Variants in SZT2 observed in about 807,000 individuals in gnomAD.
SZT2 encodes the protein SZT2 subunit of KICSTOR complex.
SZT2 carries 216 observed loss-of-function variants against 404.2 expected under a neutral mutation model. That is an observed-to-expected ratio of 0.53 (90% CI 0.48 to 0.60). The LOEUF (loss-of-function observed/expected upper bound fraction) is 0.60. Ranked by LOEUF, SZT2 falls within the 20% of genes least tolerant of loss-of-function variation. The pLI, the probability that SZT2 is intolerant of heterozygous loss-of-function variation, is 0.00. For synonymous variants in SZT2, 1,693 were observed against 1,749.9 expected (o/e 0.97, Z 0.81); for missense variants, 3,857 against 4,459.2 (o/e 0.86, Z 3.85).
Position 43,450,079 on chromosome 1 carries a change from T to C in SZT2, c.10087-24T>C, listed in dbSNP as rs574763368. On this transcript the variant is annotated intron_variant, in intron 70 of 71. Transcript: ENST00000634258. This position sits in a 1 kb window ranked among gnomAD's most constrained non-coding sequence, Gnocchi z 4.3. ...TGTGGGAGGGTCTGTAGGGTCTGTG[T>C]CCCCTCCTCATCTTTCACTGCAGGT... 6 of 1,613,934 alleles carry C rather than the reference T, an allele frequency of 3.7e-6. No homozygotes were observed. In the South Asian group the frequency reaches 6.6e-5, roughly 18 times the overall value.
Position 43,404,491 on chromosome 1 carries a change from C to A in SZT2, c.439C>A (p.Pro147Thr). Reference sequence around the variant, plus strand: ...GCCTGGATCTTGCATCGACTTCCAGCCTGAGATCTATGTAACTATCCAGGC... The same window carrying A: ...GCCTGGATCTTGCATCGACTTCCAGACTGAGATCTATGTAACTATCCAGGC... ...RVPGSCIDFQ[P>T]EIYVTIQAYS... Residue 147 changes from proline (P) to threonine (T), a missense_variant, in exon 4 of 72, where the codon CCT becomes ACT. Physicochemically the swap from Pro to Thr is conservative, Grantham distance 38. Transcript: ENST00000634258. 1 of 1,614,064 alleles carries A rather than the reference C, an allele frequency of 6.2e-7. No homozygotes were observed. Among genetic ancestry groups the A allele is most frequent in the Non-Finnish European group, 8.5e-7 (1 of 1,180,032 alleles).
rs1300743804 is a variant in SZT2, at chr1:43,420,327, A to G, written c.1261+4A>G. 2.5e-6 allele frequency: 4 copies of G among 1,578,466 alleles called. No homozygotes were observed. Among genetic ancestry groups the G allele is most frequent in the South Asian group, 2.3e-5 (2 of 88,848 alleles). On this transcript the variant is annotated splice_donor_region_variant and intron_variant, in intron 9 of 71. Coordinates refer to ENST00000634258, the MANE Select transcript of SZT2 (RefSeq NM_001365999.1). This position sits in a 1 kb window ranked among gnomAD's most constrained non-coding sequence, Gnocchi z 5.1. ...CGAGAGGTCACACTGGCCAAAGGTA[A>G]GGGTCATTAGGCCCTGCTGTAATCC...
intron 51 of SZT2, 40 bp from the exon 52 acceptor site, chr1:43,440,410 TTGA>T (rs780415281): frequency 6.5e-7 from 1 of 1,528,970 alleles, no homozygotes; most frequent in Non-Finnish European, 8.8e-7. Context: ...AGAATGGGGA[TTGA>T]TGATCAGTGA....
chr1:43,441,687 T>TTGTG lies in SZT2; in HGVS notation c.7612_7615dup (p.Ala2539ValfsTer23). ...CACAGTGACTCCTCTGCCTCCTAGG[T>TTGTG]TGTGCCTCAGTGTCCAGAAGCTCTG... On this transcript the variant is annotated frameshift_variant and splice_region_variant, in exon 55 of 72. Coordinates refer to ENST00000634258, the MANE Select transcript of SZT2 (RefSeq NM_001365999.1). LOFTEE classifies it high-confidence loss of function. The surrounding 1 kb of genome is among the most constrained non-coding windows in gnomAD (Gnocchi z 4.8). 6.2e-7 allele frequency: 1 copy of TTGTG among 1,614,144 alleles called. No homozygotes were observed. The highest frequency in any genetic ancestry group is 8.5e-7 in the Non-Finnish European group (1 of 1,180,020).
In SZT2 at chr1:43,432,984, C is replaced by T. The variant is rs778926568; in HGVS notation, c.5603-5C>T. ...TGGGATTGACCTTCAATGCATCTGA[C>T]ACAGGTTATGATGGTGGCAGCAGTG... On this transcript the variant is annotated splice_polypyrimidine_tract_variant and splice_region_variant and intron_variant, in intron 39 of 71. Transcript: ENST00000634258. 1.9e-6 allele frequency: 3 copies of T among 1,613,948 alleles called. No individual in the cohort carries two copies. In the South Asian group the frequency reaches 3.3e-5, roughly 18 times the overall value.
At chr1:43,422,395 C>T (rs1570628751) in intron 12 of SZT2, 85 bp from the exon 13 acceptor site, 2 of 1,504,358 alleles carry the variant, frequency 1.3e-6, no homozygotes, top group Non-Finnish European at 8.9e-7. Flanking sequence ...TCAGGCAAGG[C>T]CTAGAAGAGA....
chr1:43,443,000 C>T lies in SZT2; in HGVS notation c.8333C>T (p.Ser2778Phe), dbSNP rs1276523236. The T allele has an allele frequency of 6.2e-7, 1 of 1,614,144 alleles. No individual in the cohort carries two copies. The highest frequency in any genetic ancestry group is 8.5e-7 in the Non-Finnish European group (1 of 1,180,012). Residue 2778 changes from serine (S) to phenylalanine (F), a missense_variant, in exon 59 of 72, where the codon TCC (serine) becomes TTC (phenylalanine). Ser to Phe is a radical substitution (Grantham distance 155). Coordinates refer to ENST00000634258, the MANE Select transcript of SZT2 (RefSeq NM_001365999.1). The surrounding 1 kb of genome is among the most constrained non-coding windows in gnomAD (Gnocchi z 4.5). ...LRDITAARPS[S>F]VLGPVPRPPD... is the part of the protein sequence containing the mutation. ...GATATCACGGCTGCCCGCCCCAGCT[C>T]CGTACTTGGTCCTGTGCCCAGACCT... is the stretch of plus-strand genomic sequence containing the variant.
intron 11 of SZT2, among the ~76,000 whole-genome samples, chr1:43,421,670 C>T (rs563053885): frequency 1.6e-4 from 24 of 152,390 alleles, no homozygotes; most frequent in Admixed American, 3.9e-4. Context: ...GAACTGTGTA[C>T]TCCCTGAAGA....
In SZT2 at chr1:43,453,776, G is replaced by A. The variant is rs1656738699; in HGVS notation, c.*3296G>A. On this transcript the variant is annotated 3_prime_UTR_variant, in exon 72 of 72. Coordinates refer to ENST00000634258, the MANE Select transcript of SZT2 (RefSeq NM_001365999.1). The stretch of plus-strand genomic sequence containing the variant: ...GGAATAGCCAGGACAGATTGGCGGA[G>A]AAGCGCAGCGGCGCCATGCCTGGGG... 2 of 1,291,850 alleles carry A rather than the reference G, an allele frequency of 1.5e-6. No homozygotes were observed. The highest frequency in any genetic ancestry group is 2.6e-5 in the South Asian group (1 of 38,566). The allele number at this position is 1,291,850 out of a possible 1,614,324, so 80.0% of individuals were successfully genotyped here. A position where few individuals can be genotyped will look rare whatever the true frequency, so the allele number is the denominator to read the frequency against.
chr1:43,437,959 G>T lies in SZT2; in HGVS notation c.6508+57G>T. 5.8e-6 allele frequency: 9 copies of T among 1,541,980 alleles called. No individual in the cohort carries two copies. In the South Asian group the frequency reaches 7.8e-5, roughly 13 times the overall value. ...CACATGAGGTTCCAGAATCCTCTGG[G>T]ACTTCTCTTAGAACCTTGCAAGCAT... On this transcript the variant is annotated intron_variant, in intron 46 of 71. Transcript: ENST00000634258. This position sits in a 1 kb window ranked among gnomAD's most constrained non-coding sequence, Gnocchi z 5.3.
In SZT2 at chr1:43,451,459, C is replaced by T. The variant is rs1656406976; in HGVS notation, c.*979C>T. The T allele has an allele frequency of 6.2e-7, 1 of 1,614,060 alleles. No homozygotes were observed. The highest frequency in any genetic ancestry group is 8.5e-7 in the Non-Finnish European group (1 of 1,180,042). ...CGAAGCCTTTGTAGCCTTCATCTTC[C>T]AGCAGTTGAAACAGATAGGGGAAAT... On this transcript the variant is annotated 3_prime_UTR_variant, in exon 72 of 72. Coordinates refer to ENST00000634258, the MANE Select transcript of SZT2 (RefSeq NM_001365999.1).
chr1:43,422,661 C>CCCA, intron 13 of SZT2, 29 bp downstream of exon 13: 1 of 879,372 alleles, frequency 1.1e-6, no homozygotes, highest in Non-Finnish European at 1.5e-6. Context: ...CTTCACCCCC[C>CCCA]GCCCCCCCAC....
At position 43,420,438 on chromosome 1, in the gene SZT2, G is replaced by A; in HGVS notation, c.1261+115G>A. The A allele has an allele frequency of 3.0e-6, 4 of 1,315,966 alleles. No homozygotes were observed. The South Asian group carries it at 6.1e-5, about 20-fold the overall frequency. The allele number at this position is 1,315,966 out of a possible 1,614,324, so 81.5% of individuals were successfully genotyped here. On this transcript the variant is annotated intron_variant, in intron 9 of 71. Transcript: ENST00000634258. This position sits in a 1 kb window ranked among gnomAD's most constrained non-coding sequence, Gnocchi z 5.1. ...TCACATTGAAGTCCTTATCACTTGA[G>A]ACAGTGGGTTTTGAATTGTCATCAG...
chr1:43,423,354 G>A lies in SZT2; in HGVS notation c.2255+38G>A, dbSNP rs767805405. The A allele has an allele frequency of 3.3e-6, 5 of 1,507,144 alleles. No individual in the cohort carries two copies. The Admixed American group carries it at 1.1e-4, about 33-fold the overall frequency. The allele number at this position is 1,507,144 out of a possible 1,614,324, so 93.4% of individuals were successfully genotyped here. A position where few individuals can be genotyped will look rare whatever the true frequency, so the allele number is the denominator to read the frequency against. On this transcript the variant is annotated intron_variant, in intron 15 of 71. Coordinates refer to ENST00000634258, the MANE Select transcript of SZT2 (RefSeq NM_001365999.1). The stretch of plus-strand genomic sequence containing the variant: ...GTGTGGAAGGGCGTGGCTTAGCAGG[G>A]TATGAGTGGTACAGAGGTGTGGAGG...
intron 4 of SZT2, chr1:43,410,015 AC>A (rs1557522789): frequency 6.6e-6 from 1 of 152,270 alleles, no homozygotes; most frequent in Non-Finnish European, 1.5e-5. Context: ...AGATTATACT[AC>A]AAAGCTATAG....
chr1:43,449,887 AC>A, intron 70 of SZT2: 1 of 625,820 alleles, frequency 1.6e-6, no homozygotes, highest in Non-Finnish European at 2.9e-6. Flanking sequence ...ATCAACTGTT[AC>A]CCCTCATTCT....
chr1:43,446,368 T>A lies in SZT2; in HGVS notation c.9024T>A (p.Phe3008Leu). The change falls in exon 65 of 72, where the codon TTT (phenylalanine) becomes TTA (leucine). Residue 3008 changes from phenylalanine (F) to leucine (L), a missense_variant. Physicochemically the swap from Phe to Leu is conservative, Grantham distance 22 (BLOSUM62 0). Coordinates refer to ENST00000634258, the MANE Select transcript of SZT2 (RefSeq NM_001365999.1). ...GCTGTTACTTCTGTGTCAAACAGTT[T>A]GCCCTGGAATGTTCCCGAATCCCAA... ...FQGCYFCVKQFALECSRIPMG... is the reference protein window; with the variant it reads ...FQGCYFCVKQLALECSRIPMG... 1 of 1,614,278 alleles carries A rather than the reference T, an allele frequency of 6.2e-7. No homozygotes were observed. The highest frequency in any genetic ancestry group is 8.5e-7 in the Non-Finnish European group (1 of 1,180,046).
At chr1:43,397,441 AAAG>A (rs1267564834) in intron 1 of SZT2, among the ~76,000 whole-genome samples, 2 of 151,576 alleles carry the variant, frequency 1.3e-5, no homozygotes, top group Admixed American at 6.6e-5. Context: ...AAAAAAAAGA[AAAG>A]AAACAATATG....
chr1:43,431,035 C>T lies in SZT2; in HGVS notation c.4861C>T (p.Leu1621=). The part of the protein sequence containing the change: ...DLSVTLDVFM[L]TLPLEVELPT... Reference sequence around the variant, plus strand: ...CAGTGTGACTCTGGATGTCTTCATGCTGACTTTGCCCCTGGAAGTGGAGCT... The same window carrying T: ...CAGTGTGACTCTGGATGTCTTCATGTTGACTTTGCCCCTGGAAGTGGAGCT... Residue 1621 remains leucine (L), a synonymous_variant, in exon 33 of 72, where the codon CTG becomes TTG. Coordinates refer to ENST00000634258, the MANE Select transcript of SZT2 (RefSeq NM_001365999.1). 1 of 1,614,136 alleles carries T rather than the reference C, an allele frequency of 6.2e-7. No individual in the cohort carries two copies. Among genetic ancestry groups the T allele is most frequent in the Admixed American group, 1.7e-5 (1 of 60,002 alleles).
Sources: gnomAD v4.1 joint callset for allele counts (sites outside exome capture counted in the v4.1 genomes callset) on GRCh38, gnomAD v4.1.1 for gene constraint, Gnocchi (gnomAD v3.1) non-coding constraint, MANE v1.5 for transcripts, NCBI Gene and HGNC (gene_info 2026-07-23, HGNC 2026-07-21) for gene names.